Variants in POLR1C observed in about 807,000 individuals in gnomAD.
POLR1C encodes the protein RNA polymerase I and III subunit C.
A neutral mutation model predicts 38.3 loss-of-function variants in POLR1C; 42 were observed. That is an observed-to-expected ratio of 1.10 (90% CI 0.86 to 1.42). The LOEUF is 1.42. Among genes scored for constraint, POLR1C ranks in the 40% most tolerant of loss-of-function variants. The pLI, the probability that POLR1C is intolerant of heterozygous loss-of-function variation, is 0.00. For synonymous variants in POLR1C, 163 were observed against 163.9 expected (o/e 0.99, Z 0.04); for missense variants, 507 against 450.5 (o/e 1.13, Z -1.14).
chr6:43,538,268 G>T (rs1794476079), intron 9 of POLR1C, among the ~76,000 whole-genome samples: 1 of 144,718 alleles, frequency 6.9e-6, no homozygotes, highest in African/African-American at 2.6e-5. Context: ...TCGTGCCTCA[G>T]CCTCCCAAGT....
intron 7 of POLR1C, 57 bp downstream of exon 7, chr6:43,520,831 T>A: frequency 6.2e-7 from 1 of 1,608,562 alleles, no homozygotes. Flanking sequence ...TCTTTCAAGG[T>A]GACAGAAATA....
chr6:43,520,130 CCCCCATGCTGCTAAAGATTCCTCTGA>C lies in POLR1C; in HGVS notation c.453_478del (p.His151GlnfsTer24). The stretch of plus-strand genomic sequence containing the variant: ...GTCTCCAGGTCAGATGCACTCGGAA[CCCCCATGCTGCTAAAGATTCCTCTGA>C]CCCCAACGAACTGTACGTGAACCAC... On this transcript the variant is annotated frameshift_variant, in exon 5 of 9. Coordinates refer to ENST00000642195, the MANE Select transcript of POLR1C (RefSeq NM_203290.4). LOFTEE classifies it high-confidence loss of function. 2 of 1,614,194 alleles carry C rather than the reference CCCCCATGCTGCTAAAGATTCCTCTGA, an allele frequency of 1.2e-6. No individual in the cohort carries two copies. Among genetic ancestry groups the C allele is most frequent in the Non-Finnish European group, 1.7e-6 (2 of 1,180,028 alleles).
chr6:43,529,119 ACT>A, intron 8 of POLR1C: 3 of 1,144,942 alleles, frequency 2.6e-6, no homozygotes, highest in South Asian at 2.7e-5. Flanking sequence ...ATTCCATTAT[ACT>A]CTTAGTTTAG....
intron 8 of POLR1C, chr6:43,526,882 A>C: frequency 3.6e-6 from 3 of 825,676 alleles, no homozygotes; most frequent in Non-Finnish European, 4.0e-6. Flanking sequence ...CCAAGGCACA[A>C]GAATTAGCTT....
At chr6:43,519,539 A>G (rs935741827) in intron 3 of POLR1C, 99 bp downstream of exon 3, 1 of 1,392,788 alleles carries the variant, frequency 7.2e-7, no homozygotes, top group African/African-American at 1.4e-5. Flanking sequence ...TCCCTCCTTA[A>G]TTTTCCTGGA....
rs542915278 is a variant in POLR1C, at chr6:43,521,506, CAAAA to C, written c.*210_*213del. The stretch of plus-strand genomic sequence containing the variant: ...TTAGATGTAAATAAACTCACCCAAA[CAAAA>C]AAACTTTTTGAGACTACTTTTGAGT... On this transcript the variant is annotated 3_prime_UTR_variant, in exon 9 of 9. Coordinates refer to ENST00000642195, the MANE Select transcript of POLR1C (RefSeq NM_203290.4). 5.2e-6 allele frequency: 7 copies of C among 1,337,996 alleles called. No homozygotes were observed. Among genetic ancestry groups the C allele is most frequent in the South Asian group, 4.5e-5 (3 of 66,178 alleles). 82.9% of individuals were successfully genotyped at this position (1,337,996 alleles called of 1,614,324 possible). A position where few individuals can be genotyped will look rare whatever the true frequency, so the allele number is the denominator to read the frequency against.
At chr6:43,536,271 C>T (rs532307271) in intron 9 of POLR1C, among the ~76,000 whole-genome samples, 2 of 151,704 alleles carry the variant, frequency 1.3e-5, no homozygotes, top group East Asian at 1.9e-4. Flanking sequence ...AAAAATTAGC[C>T]GGGTGTGGTG....
At chr6:43,540,919 A>AT (rs1794657476) in intron 9 of POLR1C, among the ~76,000 whole-genome samples, 1 of 148,822 alleles carries the variant, frequency 6.7e-6, no homozygotes. Flanking sequence ...CTATTCAGCC[A>AT]TAAAAAAAAA....
At chr6:43,537,140 C>CTTTTTT (rs70990198) in intron 9 of POLR1C, among the ~76,000 whole-genome samples, 2 of 137,180 alleles carry the variant, frequency 1.5e-5, no homozygotes, top group African/African-American at 5.5e-5. Flanking sequence ...ATAATTAAAA[C>CTTTTTT]TTTTTTTTTT....
chr6:43,538,821 C>T (rs1302925637), intron 9 of POLR1C: 1 of 1,071,084 alleles, frequency 9.3e-7, no homozygotes, highest in Non-Finnish European at 1.3e-6. Context: ...GTATAAAAAC[C>T]CTATGTTGTA....
chr6:43,525,055 G>A, downstream of POLR1C: 3 of 1,576,304 alleles, frequency 1.9e-6, no homozygotes, highest in Admixed American at 5.6e-5. Context: ...TAGTCAGTCT[G>A]CATGACCCAA....
downstream of POLR1C, among the ~76,000 whole-genome samples, chr6:43,521,774 G>A (rs1317951668): frequency 5.3e-5 from 8 of 152,170 alleles, no homozygotes; most frequent in Admixed American, 3.9e-4. Flanking sequence ...CAAGTGATAC[G>A]CCTGCCTTGG....
At chr6:43,553,647 C>T in intron 10 of POLR1C, 1 of 1,402,480 alleles carries the variant, frequency 7.1e-7, no homozygotes, top group Non-Finnish European at 9.3e-7. Flanking sequence ...GTAATCTAAC[C>T]CCTCTCAGCT....
intron 10 of POLR1C, chr6:43,556,186 G>C: frequency 4.1e-6 from 2 of 483,654 alleles, no homozygotes. Context: ...GCTAGATCCT[G>C]TAAGTGGCAA....
At chr6:43,556,127 G>T (rs1430331357) in intron 10 of POLR1C, 23 of 908,132 alleles carry the variant, frequency 2.5e-5, no homozygotes, top group Non-Finnish European at 3.6e-5. Context: ...CTTTATTAAC[G>T]AATCCAGAAG....
At chr6:43,548,514 A>C in intron 9 of POLR1C, 3 of 1,417,050 alleles carry the variant, frequency 2.1e-6, no homozygotes, top group Non-Finnish European at 2.8e-6. Flanking sequence ...ATTTTCAAGG[A>C]GAGGTGGCTT....
downstream of POLR1C, chr6:43,524,680 T>C (rs1338717376): frequency 1.3e-6 from 2 of 1,599,046 alleles, no homozygotes; most frequent in South Asian, 2.2e-5. Context: ...GTTTGGATAT[T>C]GCCACCCTCC....
intron 9 of POLR1C, chr6:43,538,736 G>T: frequency 3.9e-6 from 2 of 510,274 alleles, no homozygotes; most frequent in Admixed American, 3.8e-5. Context: ...AAATAAATAA[G>T]CCTCATAAAA....
downstream of POLR1C, chr6:43,524,082 G>A (rs1793375810): frequency 6.5e-7 from 1 of 1,543,980 alleles, no homozygotes; most frequent in Non-Finnish European, 8.7e-7. Flanking sequence ...CCGGCGCAGT[G>A]GCTCGCGCCT....
Sources: allele counts gnomAD v4.1 joint callset (sites outside exome capture counted in the v4.1 genomes callset), GRCh38; gene constraint gnomAD v4.1.1; transcripts MANE v1.5; gene names NCBI Gene and HGNC (gene_info 2026-07-23, HGNC 2026-07-21).